The following JPH3 variants were observed in gnomAD, a reference collection of about 807,000 sequenced individuals.
The protein encoded by JPH3 is junctophilin-3.
JPH3 carries 11 observed loss-of-function variants against 59.6 expected under a neutral mutation model. The observed-to-expected ratio is 0.18, with a 90% confidence interval of 0.12 to 0.31. JPH3 has a LOEUF of 0.31. JPH3 is among the 10% of genes least tolerant of loss of function. JPH3 has a pLI of 1.00. For synonymous variants in JPH3, 673 were observed against 483.6 expected (o/e 1.39, Z -5.14); for missense variants, 1,202 against 1,105.7 (o/e 1.09, Z -1.24).
chr16:87,662,294 G>A lies in JPH3; in HGVS notation c.1160+17259G>A, dbSNP rs539206479. The stretch of plus-strand genomic sequence containing the variant: ...GAGTGTGAGGAACCCGGTGTACTCT[G>A]TCGATGTTTAAGGGTCAGTGGGCGC... On this transcript the variant is annotated intron_variant, in intron 2 of 4. Coordinates refer to ENST00000284262, the MANE Select transcript of JPH3 (RefSeq NM_020655.4). Among the ~76,000 whole-genome samples the A allele has an allele frequency of 2.6e-5, 4 of 152,284 alleles. No individual in the cohort carries two copies. The South Asian group carries it at 8.3e-4, about 32-fold the overall frequency.
intron 2 of JPH3, among the ~76,000 whole-genome samples, chr16:87,655,191 G>T (rs1053231983): frequency 1.3e-5 from 2 of 152,188 alleles, no homozygotes; most frequent in African/African-American, 4.8e-5. Context: ...GGGCTTCCTG[G>T]GCCTTCCCGC....
In JPH3 at chr16:87,689,347, A is replaced by C. The variant is rs188314542; in HGVS notation, c.1286-299A>C. ...CCTGAGTCCACACCCCAGCGTCCTCACGCACTTTCCGAGCCTTGGGTCTCC... is the reference window on the plus strand; with the variant it reads ...CCTGAGTCCACACCCCAGCGTCCTCCCGCACTTTCCGAGCCTTGGGTCTCC... On this transcript the variant is annotated intron_variant, in intron 3 of 4. Transcript: ENST00000284262. 3.7e-3 allele frequency among the ~76,000 whole-genome samples: 566 copies of C among 152,206 alleles called. 7 individuals carry two copies. The highest frequency in any genetic ancestry group is 0.013 in the African/African-American group (528 of 41,536).
At chr16:87,607,768 G>T (rs538977065) in intron 1 of JPH3, among the ~76,000 whole-genome samples, 8 of 152,344 alleles carry the variant, frequency 5.3e-5, no homozygotes, top group African/African-American at 1.9e-4. Context: ...TCAAATGAGT[G>T]CCCAGGTTAG....
chr16:87,626,423 C>T (rs1038284606), intron 1 of JPH3, among the ~76,000 whole-genome samples: 1 of 152,222 alleles, frequency 6.6e-6, no homozygotes, highest in Non-Finnish European at 1.5e-5. Context: ...CTCCCAGCAC[C>T]ACCACGGCCA....
chr16:87,657,450 C>T (rs11865231), intron 2 of JPH3, among the ~76,000 whole-genome samples: 18 of 152,228 alleles, frequency 1.2e-4, no homozygotes, highest in Middle Eastern at 3.4e-3. Context: ...TTGAGGGCGA[C>T]GACAGTACCC....
rs531343664 is a variant in JPH3 at position 87,661,598 on chromosome 16, G to C, written c.1160+16563G>C. On this transcript the variant is annotated intron_variant, in intron 2 of 4. Transcript: ENST00000284262. ...GGATGAAACAGCCGAGGGTCTGACTGGGGGAGAGCCGAGAACACACCCCAC... is the reference window on the plus strand; with the variant it reads ...GGATGAAACAGCCGAGGGTCTGACTCGGGGAGAGCCGAGAACACACCCCAC... 1.6e-4 allele frequency among the ~76,000 whole-genome samples: 25 copies of C among 152,342 alleles called. No individual in the cohort carries two copies. The East Asian group carries it at 4.4e-3, about 27-fold the overall frequency.
chr16:87,681,993 GGGGTCATGCAGAAAACTTTGAGTACA>G (rs1255614257), intron 2 of JPH3, among the ~76,000 whole-genome samples: 2 of 152,094 alleles, frequency 1.3e-5, no homozygotes, highest in African/African-American at 4.8e-5. Context: ...CTTGTGGCGG[GGGGTCATGCAGAAAACTTTGAGTACA>G]GTTTCAGGAG....
chr16:87,691,557 GTCC>G (rs2033575304), intron 4 of JPH3, among the ~76,000 whole-genome samples: 1 of 152,132 alleles, frequency 6.6e-6, no homozygotes, highest in Non-Finnish European at 1.5e-5. Context: ...GTCGGTGTCT[GTCC>G]CTGCCCCTGA....
rs1209881623 is a variant in JPH3 at position 87,644,636 on chromosome 16, G to C, written c.761G>C (p.Ser254Thr). The C allele has an allele frequency of 6.2e-7, 1 of 1,612,126 alleles. No homozygotes were observed. Among genetic ancestry groups the C allele is most frequent in the Non-Finnish European group, 8.5e-7 (1 of 1,179,912 alleles). ...AGCGAGGCGGGCATGAGCACCGTCA[G>C]CTCCACGGCCAGCGACATCCACTCC... ...FRSEAGMSTV[S>T]STASDIHSTI... Residue 254 changes from serine to threonine, a missense_variant, in exon 2 of 5, where the codon AGC (serine) becomes ACC (threonine). Physicochemically the swap from Ser to Thr is moderately conservative, Grantham distance 58 (BLOSUM62 1). Transcript: ENST00000284262.
intron 1 of JPH3, chr16:87,604,453 C>T (rs2030430288): frequency 7.3e-7 from 1 of 1,376,454 alleles, no homozygotes. Flanking sequence ...GGAAGCCAGA[C>T]CCCAAACAAA....
intron 4 of JPH3, among the ~76,000 whole-genome samples, chr16:87,691,283 C>G (rs1262703136): frequency 6.6e-6 from 1 of 152,164 alleles, no homozygotes; most frequent in Non-Finnish European, 1.5e-5. Flanking sequence ...CTCCCTTGAC[C>G]AGTGCTGCAG....
chr16:87,688,473 CTGGGG>C (rs2033472309), intron 3 of JPH3, among the ~76,000 whole-genome samples: 1 of 133,256 alleles, frequency 7.5e-6, no homozygotes, highest in African/African-American at 4.1e-5. Context: ...AAAGGTCAGA[CTGGGG>C]TACAGGCGTC....
intron 2 of JPH3, among the ~76,000 whole-genome samples, chr16:87,657,702 T>C (rs535991347): frequency 2.0e-5 from 3 of 152,334 alleles, no homozygotes; most frequent in African/African-American, 7.2e-5. Context: ...CTCTGGGGTG[T>C]GACCCTAGCT....
intron 2 of JPH3, among the ~76,000 whole-genome samples, chr16:87,661,176 C>T (rs576705461): frequency 8.5e-5 from 13 of 152,288 alleles, no homozygotes; most frequent in East Asian, 3.9e-4. Flanking sequence ...TCAGAGCCAG[C>T]GGGGCAGCCT....
intron 2 of JPH3, among the ~76,000 whole-genome samples, chr16:87,677,206 AC>A (rs2033167907): frequency 2.5e-5 from 3 of 120,694 alleles, no homozygotes; most frequent in Non-Finnish European, 5.0e-5. Context: ...ACACACACAC[AC>A]ACACACACAC....
At chr16:87,629,677 G>C (rs544388508) in intron 1 of JPH3, among the ~76,000 whole-genome samples, 10 of 151,862 alleles carry the variant, frequency 6.6e-5, no homozygotes, top group African/African-American at 1.9e-4. Flanking sequence ...TGGTTGCCCA[G>C]GGTTGGGGGG....
chr16:87,677,225 C>CACACACACAA (rs1271128667), intron 2 of JPH3, among the ~76,000 whole-genome samples: 21 of 81,722 alleles, frequency 2.6e-4, no homozygotes, highest in African/African-American at 7.3e-4. Flanking sequence ...CACACACACA[C>CACACACACAA]AAAAAAAAAA....
intron 2 of JPH3, among the ~76,000 whole-genome samples, chr16:87,656,583 T>G (rs1463355951): frequency 1.3e-5 from 2 of 152,222 alleles, no homozygotes. Flanking sequence ...ACACCCTGAA[T>G]AAATGAATCA....
chr16:87,697,602 G>C lies in JPH3; in HGVS notation c.*942G>C, dbSNP rs905641303. ...TTCTCCCATGGTTACTGATCTCCAC[G>C]GGTTTTCACATCTCTGTACTGTGCC... On this transcript the variant is annotated 3_prime_UTR_variant, in exon 5 of 5. Coordinates refer to ENST00000284262, the MANE Select transcript of JPH3 (RefSeq NM_020655.4). The C allele has an allele frequency of 6.6e-6, 1 of 152,298 alleles. No homozygotes were observed. The highest frequency in any genetic ancestry group is 2.4e-5 in the African/African-American group (1 of 41,430). 9.4% of individuals were successfully genotyped at this position (152,298 alleles called of 1,614,324 possible).
Sources: gnomAD v4.1 joint callset for allele counts (sites outside exome capture counted in the v4.1 genomes callset) on GRCh38, gnomAD v4.1.1 for gene constraint, MANE v1.5 for transcripts, NCBI Gene and HGNC (gene_info 2026-07-23, HGNC 2026-07-21) for gene names.